The following CDH12 variants were observed in gnomAD, a reference collection of about 807,000 sequenced individuals.
The protein encoded by CDH12 is cadherin-12.
A neutral mutation model predicts 74.1 loss-of-function variants in CDH12; 41 were observed. That is an observed-to-expected ratio of 0.55 (90% CI 0.43 to 0.72). CDH12 has a LOEUF of 0.72. Ranked by LOEUF, CDH12 falls within the 30% of genes least tolerant of loss-of-function variation. The pLI is 0.00. For missense variants in CDH12, 945 were observed against 977.2 expected, an observed-to-expected ratio of 0.97 and a Z score of 0.44; for synonymous variants, 399 against 355.0, an observed-to-expected ratio of 1.12 and a Z score of -1.39.
intron 3 of CDH12, among the ~76,000 whole-genome samples, chr5:22,320,380 G>T (rs1292704854): frequency 6.6e-6 from 1 of 152,094 alleles, no homozygotes; most frequent in African/African-American, 2.4e-5. Context: ...TGGATTATTT[G>T]ATTCATGCAG....
At chr5:22,256,882 T>C (rs1753337632) in intron 3 of CDH12, among the ~76,000 whole-genome samples, 1 of 152,116 alleles carries the variant, frequency 6.6e-6, no homozygotes, top group Non-Finnish European at 1.5e-5. Context: ...TAAAGACACA[T>C]GCAAGTGTAT....
At chr5:21,969,669 G>C (rs1466876019) in intron 6 of CDH12, among the ~76,000 whole-genome samples, 1 of 152,076 alleles carries the variant, frequency 6.6e-6, no homozygotes, top group Non-Finnish European at 1.5e-5. Flanking sequence ...TTGAGACAGA[G>C]GTACTCAATA....
At chr5:22,358,973 ACATGC>A (rs1256176796) in intron 3 of CDH12, among the ~76,000 whole-genome samples, 3 of 152,200 alleles carry the variant, frequency 2.0e-5, no homozygotes, top group African/African-American at 7.2e-5. Flanking sequence ...CACTGCAAAA[ACATGC>A]CAAAGTGTAA....
chr5:22,318,660 G>A (rs1738730788), intron 3 of CDH12, among the ~76,000 whole-genome samples: 1 of 152,274 alleles, frequency 6.6e-6, no homozygotes, highest in South Asian at 2.1e-4. Context: ...GGCACTAAGG[G>A]GAGATTTTCT....
intron 6 of CDH12, among the ~76,000 whole-genome samples, chr5:21,950,032 AG>A (rs1246276866): frequency 2.0e-5 from 3 of 152,350 alleles, no homozygotes; most frequent in South Asian, 4.1e-4. Flanking sequence ...CTTAATTTAT[AG>A]TAAGTGCCCT....
chr5:21,883,509 G>A (rs189889289), intron 6 of CDH12: 2 of 1,613,002 alleles, frequency 1.2e-6, no homozygotes, highest in African/African-American at 2.7e-5. Context: ...AGGGTTTGGT[G>A]ACAATAGAAA....
rs1737574207 is a variant in CDH12 at position 22,851,922 on chromosome 5, T to C, written c.-523+1136A>G. Among the ~76,000 whole-genome samples the C allele has an allele frequency of 2.0e-5, 3 of 152,236 alleles. No individual in the cohort carries two copies. The South Asian group carries it at 6.2e-4, about 32-fold the overall frequency. On this transcript the variant is annotated intron_variant, in intron 1 of 14. Transcript: ENST00000382254. ...CAGTATTTCTTGACAGCTGTGTGTC[T>C]GGATATTATTTTATAACCTTACAAC... is the stretch of plus-strand genomic sequence containing the variant.
chr5:21,883,473 C>T lies in CDH12; in HGVS notation c.527-28683G>A. 19 of 1,612,596 alleles carry T rather than the reference C, an allele frequency of 1.2e-5. No homozygotes were observed. The South Asian group carries it at 2.0e-4, about 17-fold the overall frequency. On this transcript the variant is annotated intron_variant, in intron 6 of 14. Coordinates refer to ENST00000382254, the MANE Select transcript of CDH12 (RefSeq NM_004061.5). ...CATCTTGAATAGGCTAAAGGTTGGTCTTCAGGTTGTGGCAGTCAAGGCTCC... is the reference window on the plus strand; with the variant it reads ...CATCTTGAATAGGCTAAAGGTTGGTTTTCAGGTTGTGGCAGTCAAGGCTCC...
At chr5:22,515,897 A>T (rs908526627) in intron 1 of CDH12, among the ~76,000 whole-genome samples, 6 of 152,108 alleles carry the variant, frequency 3.9e-5, no homozygotes, top group African/African-American at 1.4e-4. Flanking sequence ...CAGGCTTGTA[A>T]ATTTCTATAC....
chr5:21,960,262 G>T (rs1316389714), intron 6 of CDH12, among the ~76,000 whole-genome samples: 1 of 152,174 alleles, frequency 6.6e-6, no homozygotes, highest in Admixed American at 6.5e-5. Flanking sequence ...CATGGCACAT[G>T]CTCTAAAATT....
At chr5:22,113,373 A>T (rs1344920250) in intron 4 of CDH12, among the ~76,000 whole-genome samples, 2 of 151,948 alleles carry the variant, frequency 1.3e-5, no homozygotes, top group Non-Finnish European at 2.9e-5. Context: ...CTTGTCACCT[A>T]TTGTCTCTAA....
chr5:21,909,706 C>A (rs1304422501), intron 6 of CDH12, among the ~76,000 whole-genome samples: 2 of 152,130 alleles, frequency 1.3e-5, no homozygotes, highest in African/African-American at 2.4e-5. Flanking sequence ...TCATAAAAAT[C>A]TACCACAATT....
intron 1 of CDH12, among the ~76,000 whole-genome samples, chr5:22,544,313 T>C (rs1738224304): frequency 6.6e-6 from 1 of 152,156 alleles, no homozygotes; most frequent in African/African-American, 2.4e-5. Context: ...AGGAAGTTAA[T>C]TGATGAGGAT....
At chr5:22,540,472 T>C (rs1001297085) in intron 1 of CDH12, among the ~76,000 whole-genome samples, 3 of 152,162 alleles carry the variant, frequency 2.0e-5, no homozygotes, top group Non-Finnish European at 2.9e-5. Context: ...ACCTTCACTT[T>C]TAGTAGTTTT....
At chr5:22,315,119 C>CTTTTTTTTTTTTT (rs70959715) in intron 3 of CDH12, among the ~76,000 whole-genome samples, 791 of 22,992 alleles carry the variant, frequency 0.034, 253 homozygotes, top group Middle Eastern at 0.14. Flanking sequence ...GCCTGCCTGG[C>CTTTTTTTTTTTTT]TTTTTTTTTT....
intron 1 of CDH12, among the ~76,000 whole-genome samples, chr5:22,627,687 A>G (rs1738370676): frequency 6.6e-6 from 1 of 152,186 alleles, no homozygotes; most frequent in Non-Finnish European, 1.5e-5. Flanking sequence ...TTAAGTATGC[A>G]TAATAACCAG....
intron 1 of CDH12, among the ~76,000 whole-genome samples, chr5:22,535,800 G>T (rs984246750): frequency 2.0e-5 from 3 of 152,168 alleles, no homozygotes; most frequent in Non-Finnish European, 4.4e-5. Flanking sequence ...CAGTAACTAT[G>T]GGGAGGGATT....
At chr5:22,421,605 G>T (rs1743656001) in intron 2 of CDH12, among the ~76,000 whole-genome samples, 1 of 152,102 alleles carries the variant, frequency 6.6e-6, no homozygotes, top group Non-Finnish European at 1.5e-5. Flanking sequence ...CAGTTGGATT[G>T]GTTCCAAGTC....
At chr5:22,719,132 T>C (rs1459760465) in intron 1 of CDH12, among the ~76,000 whole-genome samples, 2 of 152,130 alleles carry the variant, frequency 1.3e-5, no homozygotes, top group Admixed American at 6.5e-5. Context: ...GTGAGGGCAG[T>C]CTTGTGGGGA....
Sources: gnomAD v4.1 joint callset for allele counts (sites outside exome capture counted in the v4.1 genomes callset) on GRCh38, gnomAD v4.1.1 for gene constraint, MANE v1.5 for transcripts, NCBI Gene and HGNC (gene_info 2026-07-23, HGNC 2026-07-21) for gene names.